Variants in MSI2 observed in about 807,000 individuals in gnomAD.
MSI2 encodes musashi RNA binding protein 2.
MSI2 carries 17 observed loss-of-function variants against 45.6 expected under a neutral mutation model. The observed-to-expected ratio is 0.37, with a 90% CI of 0.26 to 0.56. The LOEUF (loss-of-function observed/expected upper bound fraction) is 0.56. Ranked by LOEUF, MSI2 falls within the 20% of genes least tolerant of loss-of-function variation. The pLI, the probability that MSI2 is intolerant of heterozygous loss-of-function variation, is 0.77. For missense variants in MSI2, 293 were observed against 444.2 expected (o/e 0.66, Z 3.06); for synonymous variants, 156 against 158.2 (o/e 0.99, Z 0.11).
rs991176625 is a variant in MSI2, at chr17:57,615,893, A to C, written c.538-77A>C. Reference sequence around the variant, plus strand: ...AGCAAGGCTAAAAATAACTTAGCTCATAACCAGACAGGTTCTGCATTTGAC... The same window carrying C: ...AGCAAGGCTAAAAATAACTTAGCTCCTAACCAGACAGGTTCTGCATTTGAC... On this transcript the variant is annotated intron_variant, in intron 8 of 13. Coordinates refer to ENST00000284073, the MANE Select transcript of MSI2 (RefSeq NM_138962.4). 2.6e-6 allele frequency: 3 copies of C among 1,155,576 alleles called. No homozygotes were observed. In the African/African-American group the frequency reaches 4.6e-5, roughly 18 times the overall value. The allele number at this position is 1,155,576 out of a possible 1,614,324, so 71.6% of individuals were successfully genotyped here.
At chr17:57,693,058 C>T in the MSI2 span, among the ~76,000 whole-genome samples, 25,894 of 152,070 alleles carry the variant, frequency 0.17, 2,777 homozygotes, top group South Asian at 0.34. Flanking sequence ...TTTCTCTTCT[C>T]TTCCTGGGAT....
At chr17:57,270,657 C>T (rs1042596682) in intron 5 of MSI2, among the ~76,000 whole-genome samples, 3 of 152,148 alleles carry the variant, frequency 2.0e-5, no homozygotes, top group African/African-American at 7.2e-5. Flanking sequence ...AGCAACCGTC[C>T]CTCCATTGTA....
chr17:57,604,976 G>T (rs1906385152), intron 8 of MSI2, among the ~76,000 whole-genome samples: 1 of 128,536 alleles, frequency 7.8e-6, no homozygotes, highest in Non-Finnish European at 1.7e-5. Context: ...GAGGGGGGCG[G>T]GTAATGTGGG....
chr17:57,310,420 G>T (rs1045521989), intron 5 of MSI2, among the ~76,000 whole-genome samples: 10 of 151,574 alleles, frequency 6.6e-5, no homozygotes, highest in Admixed American at 1.3e-4. Flanking sequence ...TGCGACCTCT[G>T]CCTCTCAGGT....
chr17:57,502,767 T>C (rs1453770676), intron 6 of MSI2, among the ~76,000 whole-genome samples: 1 of 151,294 alleles, frequency 6.6e-6, no homozygotes, highest in Non-Finnish European at 1.5e-5. Flanking sequence ...GGCGCATGTG[T>C]TGGGAACCGA....
chr17:57,370,295 A>C lies in MSI2; in HGVS notation c.313-31084A>C, dbSNP rs1404095009. 3.3e-5 allele frequency among the ~76,000 whole-genome samples: 5 copies of C among 152,338 alleles called. No homozygotes were observed. In the East Asian group the frequency reaches 7.7e-4, roughly 23 times the overall value. ...CTTAAACATTTAGGCAGAACCTCACAAATGCAGCTAGATTGTGGAAAAGGA... is the reference window on the plus strand; with the variant it reads ...CTTAAACATTTAGGCAGAACCTCACCAATGCAGCTAGATTGTGGAAAAGGA... On this transcript the variant is annotated intron_variant, in intron 5 of 13. Coordinates refer to ENST00000284073, the MANE Select transcript of MSI2 (RefSeq NM_138962.4).
At chr17:57,271,202 G>A (rs1908327862) in intron 5 of MSI2, among the ~76,000 whole-genome samples, 1 of 152,162 alleles carries the variant, frequency 6.6e-6, no homozygotes, top group East Asian at 1.9e-4. Context: ...GGCTGTGACA[G>A]GCAAGTTAAT....
chr17:57,688,904 A>G (rs921746999), downstream of MSI2, among the ~76,000 whole-genome samples: 3 of 152,190 alleles, frequency 2.0e-5, no homozygotes. Context: ...GTGTGACTCT[A>G]TGAAAATACA....
intron 6 of MSI2, among the ~76,000 whole-genome samples, chr17:57,406,378 C>T (rs377411101): frequency 6.6e-6 from 1 of 152,172 alleles, no homozygotes; most frequent in Non-Finnish European, 1.5e-5. Flanking sequence ...TCAGGCCCCT[C>T]CTTCAAGTAC....
At chr17:57,286,334 T>G (rs1387457141) in intron 5 of MSI2, among the ~76,000 whole-genome samples, 2 of 152,168 alleles carry the variant, frequency 1.3e-5, no homozygotes, top group Non-Finnish European at 2.9e-5. Context: ...TTTAAAGCTT[T>G]AGTCTCTCCT....
At chr17:57,297,188 G>GT (rs61324365) in intron 5 of MSI2, among the ~76,000 whole-genome samples, 1,765 of 115,082 alleles carry the variant, frequency 0.015, 18 homozygotes, top group South Asian at 0.042. Context: ...GTTTTTTTTT[G>GT]TTTTTTTTTT....
At chr17:57,523,354 G>T (rs945525683) in intron 6 of MSI2, among the ~76,000 whole-genome samples, 7 of 152,146 alleles carry the variant, frequency 4.6e-5, no homozygotes, top group African/African-American at 1.7e-4. Context: ...GGCCTGCATT[G>T]CGTCTTTAAA....
chr17:57,277,467 T>C (rs1476791756), intron 5 of MSI2, among the ~76,000 whole-genome samples: 1 of 152,232 alleles, frequency 6.6e-6, no homozygotes, highest in Non-Finnish European at 1.5e-5. Context: ...CTTGGTCTCT[T>C]AGCCCAATGC....
intron 4 of MSI2, 83 bp downstream of exon 4, chr17:57,258,437 T>C: frequency 9.0e-7 from 1 of 1,115,052 alleles, no homozygotes. Flanking sequence ...GGACAGTGCC[T>C]TCTTTTGCTT....
chr17:57,434,217 A>G (rs1287826215), intron 6 of MSI2, among the ~76,000 whole-genome samples: 2 of 152,156 alleles, frequency 1.3e-5, no homozygotes, highest in African/African-American at 4.8e-5. Context: ...CTTCTGCCTC[A>G]GCCTCACAAG....
At chr17:57,563,935 G>A (rs566164583) in intron 7 of MSI2, among the ~76,000 whole-genome samples, 104 of 152,234 alleles carry the variant, frequency 6.8e-4, no homozygotes, top group African/African-American at 2.4e-3. Flanking sequence ...CCTGTTACAC[G>A]CTCTGCTGAA....
At chr17:57,355,723 C>T (rs571326327) in intron 5 of MSI2, among the ~76,000 whole-genome samples, 3 of 152,326 alleles carry the variant, frequency 2.0e-5, no homozygotes, top group East Asian at 1.9e-4. Flanking sequence ...CAGGGCCTGG[C>T]GGGTTCCAGA....
chr17:57,544,854 C>A (rs1441787419), intron 7 of MSI2, among the ~76,000 whole-genome samples: 1 of 152,188 alleles, frequency 6.6e-6, no homozygotes, highest in Non-Finnish European at 1.5e-5. Context: ...GATGCTTAAA[C>A]TCACTTTGTT....
At chr17:57,438,821 G>A (rs992654048) in intron 6 of MSI2, among the ~76,000 whole-genome samples, 10 of 148,408 alleles carry the variant, frequency 6.7e-5, no homozygotes, top group Admixed American at 2.7e-4. Flanking sequence ...TTTTGAGACT[G>A]CGTTTGTTTC....
Sources: allele counts gnomAD v4.1 joint callset (sites outside exome capture counted in the v4.1 genomes callset), GRCh38; gene constraint gnomAD v4.1.1; transcripts MANE v1.5; gene names NCBI Gene and HGNC (gene_info 2026-07-23, HGNC 2026-07-21).